SLIT1: variants seen among roughly 807,000 people sequenced by gnomAD.
SLIT1 encodes slit guidance ligand 1.
SLIT1 carries 66 observed loss-of-function variants against 186.1 expected under a neutral mutation model. That is an observed-to-expected ratio of 0.35 (90% CI 0.29 to 0.44). The LOEUF (loss-of-function observed/expected upper bound fraction) is 0.44, where lower values mean the gene tolerates loss of function less well. Ranked by LOEUF, SLIT1 falls within the 20% of genes least tolerant of loss-of-function variation. The probability of loss-of-function intolerance (pLI) is 1.00; values close to 1 mark genes in which losing one functional copy is unlikely to be tolerated. For missense variants in SLIT1, 1,638 were observed against 2,037.4 expected, an observed-to-expected ratio of 0.80 and a Z score of 3.77; for synonymous variants, 761 against 833.8, an observed-to-expected ratio of 0.91 and a Z score of 1.50.
At chr10:97,185,346 C>T in intron 1 of SLIT1, 132 bp downstream of exon 1, 1 of 846,088 alleles carries the variant, frequency 1.2e-6, no homozygotes, top group South Asian at 1.8e-5. Flanking sequence ...CCCCGGCAGG[C>T]ACTGACCCGT....
chr10:97,070,213 A>T (rs1247896769), intron 4 of SLIT1, among the ~76,000 whole-genome samples: 2 of 152,224 alleles, frequency 1.3e-5, no homozygotes, highest in African/African-American at 4.8e-5. Context: ...AGAGACTGTG[A>T]GATGTTTATT....
At chr10:97,109,048 T>C (rs1849441773) in intron 4 of SLIT1, among the ~76,000 whole-genome samples, 1 of 151,168 alleles carries the variant, frequency 6.6e-6, no homozygotes, top group African/African-American at 2.4e-5. Context: ...AAAATTACAA[T>C]CTAAAAAAAT....
At chr10:97,039,947 T>C (rs1197523308) in intron 21 of SLIT1, 41 bp downstream of exon 21, 1 of 1,608,384 alleles carries the variant, frequency 6.2e-7, no homozygotes, top group Admixed American at 1.7e-5. Context: ...GTCCCCGTCC[T>C]GTGGACCCAC....
intron 4 of SLIT1, among the ~76,000 whole-genome samples, chr10:97,140,776 C>CCT (rs1320126720): frequency 6.6e-6 from 1 of 152,178 alleles, no homozygotes; most frequent in Non-Finnish European, 1.5e-5. Context: ...CAGGGATAAA[C>CCT]CTCCTGTGTC....
At chr10:97,130,274 A>G (rs1849640976) in intron 4 of SLIT1, among the ~76,000 whole-genome samples, 1 of 152,268 alleles carries the variant, frequency 6.6e-6, no homozygotes, top group Admixed American at 6.5e-5. Context: ...CATACCGAAG[A>G]GGAATGTACA....
chr10:97,171,772 TC>T (rs1850192280), intron 1 of SLIT1, among the ~76,000 whole-genome samples: 1 of 151,124 alleles, frequency 6.6e-6, no homozygotes, highest in South Asian at 2.1e-4. Flanking sequence ...TGAGGTGAGA[TC>T]GTGCCAGTGC....
chr10:97,057,399 C>A, intron 11 of SLIT1, 118 bp from the exon 12 acceptor site: 1 of 695,330 alleles, frequency 1.4e-6, no homozygotes. Context: ...TGGAGCACAT[C>A]CTAATGGTGT....
chr10:97,045,341 G>A (rs1193081761), intron 18 of SLIT1, among the ~76,000 whole-genome samples: 1 of 152,142 alleles, frequency 6.6e-6, no homozygotes, highest in Non-Finnish European at 1.5e-5. Context: ...ATGTAATGGT[G>A]CTCATATTAA....
intron 13 of SLIT1, among the ~76,000 whole-genome samples, chr10:97,055,213 G>C (rs1848825896): frequency 1.3e-5 from 2 of 152,028 alleles, no homozygotes; most frequent in Admixed American, 6.6e-5. Flanking sequence ...CGACACTCCA[G>C]CTCAAAAAAC....
At chr10:97,094,043 C>T (rs577972058) in intron 4 of SLIT1, among the ~76,000 whole-genome samples, 1 of 152,354 alleles carries the variant, frequency 6.6e-6, no homozygotes, top group South Asian at 2.1e-4. Context: ...TGACAAAAAC[C>T]ACCTAGGGAA....
rs1415913417 is a variant in SLIT1 at position 97,047,801 on chromosome 10, T to C, written c.1523A>G (p.Asn508Ser). Residue 508 changes from asparagine to serine, a missense_variant, in exon 16 of 37, where the codon AAC becomes AGC. Around this residue, in one of 3 missense-constraint regions of SLIT1, gnomAD observed 1,245 missense variants for 1,535.3 expected, o/e 0.81. Coordinates refer to ENST00000266058, the MANE Select transcript of SLIT1 (RefSeq NM_003061.3). ...TEDYQLNSEC[N>S]SDVVCPHKCR... ...CTTGTGGGGACAGACCACGTCGCTGTTGCACTCGCTGTTCAGCTGGTAATC... is the reference window on the plus strand; with the variant it reads ...CTTGTGGGGACAGACCACGTCGCTGCTGCACTCGCTGTTCAGCTGGTAATC... 3.1e-6 allele frequency: 5 copies of C among 1,614,090 alleles called. No individual in the cohort carries two copies. The South Asian group carries it at 4.4e-5, about 14-fold the overall frequency.
rs1849642243 is a variant in SLIT1, at chr10:97,130,425, A to T, written c.413+27393T>A. On this transcript the variant is annotated intron_variant, in intron 4 of 36. Coordinates refer to ENST00000266058, the MANE Select transcript of SLIT1 (RefSeq NM_003061.3). ...TTAATGTGGAATATTATTCAGCCTT[A>T]AAAAGGAAGGACATTCTGACATATG... is the stretch of plus-strand genomic sequence containing the variant. Among the ~76,000 whole-genome samples, 8 of 152,366 alleles carry T rather than the reference A, an allele frequency of 5.3e-5. No homozygotes were observed. The South Asian group carries it at 1.4e-3, about 28-fold the overall frequency.
chr10:97,073,754 C>A (rs909812472), intron 4 of SLIT1, among the ~76,000 whole-genome samples: 1 of 152,124 alleles, frequency 6.6e-6, no homozygotes, highest in Non-Finnish European at 1.5e-5. Flanking sequence ...TCACTTAAAT[C>A]GTGTGGTCTC....
chr10:97,133,300 C>T (rs929942841), intron 4 of SLIT1, among the ~76,000 whole-genome samples: 1 of 152,206 alleles, frequency 6.6e-6, no homozygotes, highest in Non-Finnish European at 1.5e-5. Flanking sequence ...CACCTATAAT[C>T]CCAGCCTTTG....
chr10:97,006,447 T>G lies in SLIT1; in HGVS notation c.3579+36A>C. ...GCCTAAGCCAGGGTCGCCTGCTCCCTGACTCCCCTCTGTGACCAAGCCCCC... is the reference window on the plus strand; with the variant it reads ...GCCTAAGCCAGGGTCGCCTGCTCCCGGACTCCCCTCTGTGACCAAGCCCCC... On this transcript the variant is annotated intron_variant, in intron 32 of 36. Transcript: ENST00000266058. The surrounding 1 kb of genome is among the most constrained non-coding windows in gnomAD (Gnocchi z 4.0). 3 of 1,505,708 alleles carry G rather than the reference T, an allele frequency of 2.0e-6. No homozygotes were observed. The highest frequency in any genetic ancestry group is 1.8e-6 in the Non-Finnish European group (2 of 1,082,798). 93.3% of individuals were successfully genotyped at this position (1,505,708 alleles called of 1,614,324 possible). A position where few individuals can be genotyped will look rare whatever the true frequency, so the allele number is the denominator to read the frequency against.
chr10:97,066,065 G>C lies in SLIT1; in HGVS notation c.435C>G (p.Ile145Met). ...LSRLDLSENA[I>M]QAIPRKAFRG... The stretch of plus-strand genomic sequence containing the variant: ...GAAAAGCTTTCCTGGGGATGGCCTG[G>C]ATGGCGTTCTCACTCAAGTCCCTGG... The change falls in exon 5 of 37, where the codon ATC (isoleucine) becomes ATG (methionine). Residue 145 changes from isoleucine (I) to methionine (M), a missense_variant. Ile to Met is a conservative substitution (Grantham distance 10, BLOSUM62 1). Coordinates refer to ENST00000266058, the MANE Select transcript of SLIT1 (RefSeq NM_003061.3). 6.2e-7 allele frequency: 1 copy of C among 1,605,608 alleles called. No homozygotes were observed. Among genetic ancestry groups the C allele is most frequent in the Non-Finnish European group, 8.5e-7 (1 of 1,175,234 alleles).
chr10:97,018,230 G>A (rs2134597974), intron 28 of SLIT1, among the ~76,000 whole-genome samples: 1 of 152,284 alleles, frequency 6.6e-6, no homozygotes, highest in East Asian at 1.9e-4. Flanking sequence ...TGGAATCCGA[G>A]TGCCTTCAAA....
In SLIT1 at chr10:97,043,438, C is replaced by T. The variant is rs199708340; in HGVS notation, c.1929G>A (p.Ser643=). ...FTGLRNVRLL[S]LYDNQITTVS... is the part of the protein sequence containing the mutation. The stretch of plus-strand genomic sequence containing the variant: ...CGGTGGTGATCTGGTTGTCGTAGAG[C>T]GAGAGGAGCCGGACGTTGCGCAGGC... The change falls in exon 19 of 37, where the codon TCG becomes TCA. Residue 643 remains serine, a synonymous_variant. Coordinates refer to ENST00000266058, the MANE Select transcript of SLIT1 (RefSeq NM_003061.3). This position sits in a 1 kb window ranked among gnomAD's most constrained non-coding sequence, Gnocchi z 7.0. The T allele has an allele frequency of 1.5e-5, 25 of 1,613,928 alleles. No individual in the cohort carries two copies. Among genetic ancestry groups the T allele is most frequent in the East Asian group, 4.5e-5 (2 of 44,878 alleles).
chr10:97,070,625 C>G (rs940556964), intron 4 of SLIT1, among the ~76,000 whole-genome samples: 1 of 152,142 alleles, frequency 6.6e-6, no homozygotes, highest in Non-Finnish European at 1.5e-5. Flanking sequence ...AGGATTAGTG[C>G]CCTTATGAAA....
Sources: gnomAD v4.1 joint callset for allele counts (sites outside exome capture counted in the v4.1 genomes callset) on GRCh38, gnomAD v4.1.1 for gene constraint, gnomAD v4.1.1 regional missense constraint, Gnocchi (gnomAD v3.1) non-coding constraint, MANE v1.5 for transcripts, NCBI Gene and HGNC (gene_info 2026-07-23, HGNC 2026-07-21) for gene names.